Variants in PALLD observed in about 807,000 individuals in gnomAD.
PALLD encodes palladin.
In PALLD, 61 loss-of-function variants were observed where a neutral mutation model predicts 123.5. The ratio of observed to expected loss-of-function variants is 0.49; its 90% CI spans 0.40 to 0.61. PALLD has a LOEUF of 0.61. PALLD is among the 20% of genes least tolerant of loss of function. The probability of loss-of-function intolerance (pLI) is 0.00; values close to 1 mark genes in which losing one functional copy is unlikely to be tolerated. For missense variants in PALLD, 1,273 were observed against 1,377.0 expected (o/e 0.92, Z 1.20); for synonymous variants, 465 against 496.4 (o/e 0.94, Z 0.84).
intron 8 of PALLD, chr4:168,700,380 T>C: frequency 6.5e-6 from 1 of 153,240 alleles, no homozygotes; most frequent in South Asian, 2.1e-4. Context: ...TTCTAAATGT[T>C]CCACGTGAAC....
At chr4:168,512,518 A>C in intron 2 of PALLD, 106 bp downstream of exon 2, 2 of 1,064,882 alleles carry the variant, frequency 1.9e-6, no homozygotes, top group South Asian at 2.7e-5. Flanking sequence ...CTGGAGACTG[A>C]GGTAGAGTAC....
intron 2 of PALLD, among the ~76,000 whole-genome samples, chr4:168,551,942 A>C (rs2149541310): frequency 6.6e-6 from 1 of 152,332 alleles, no homozygotes; most frequent in African/African-American, 2.4e-5. Flanking sequence ...TGACATACCA[A>C]GTCAAATTGG....
intron 2 of PALLD, chr4:168,631,715 C>G: frequency 2.0e-6 from 2 of 985,472 alleles, no homozygotes; most frequent in Non-Finnish European, 2.4e-6. Context: ...CAGGACCTCT[C>G]GAGCGCAGCA....
chr4:168,926,516 A>ATAT lies in PALLD; in HGVS notation c.*338_*340dup, dbSNP rs35986961. On this transcript the variant is annotated 3_prime_UTR_variant, in exon 22 of 22. Transcript: ENST00000505667. ...AAATTAAAAAAAAAACACCAAAATAATATTTTTCTTACTTGATATACCAAA... is the reference window on the plus strand; with the variant it reads ...AAATTAAAAAAAAAACACCAAAATAATATTATTTTTCTTACTTGATATACCAAA... The ATAT allele has an allele frequency of 7.7e-6, 5 of 651,080 alleles. No individual in the cohort carries two copies. Among genetic ancestry groups the ATAT allele is most frequent in the Admixed American group, 6.2e-5 (2 of 32,068 alleles). 40.3% of individuals were successfully genotyped at this position (651,080 alleles called of 1,614,324 possible).
In PALLD at chr4:168,691,280, A is replaced by G. The variant is rs1168137132; in HGVS notation, c.1489A>G (p.Thr497Ala). 5.0e-5 allele frequency: 80 copies of G among 1,608,250 alleles called. No homozygotes were observed. Among genetic ancestry groups the G allele is most frequent in the Non-Finnish European group, 6.7e-5 (79 of 1,176,982 alleles). The change falls in exon 8 of 22, where the codon ACA becomes GCA. Residue 497 changes from threonine (T) to alanine (A), a missense_variant. Thr to Ala is a moderately conservative substitution (Grantham distance 58). Around this residue, in one of 2 missense-constraint regions of PALLD, gnomAD observed 944 missense variants for 954.5 expected, o/e 0.99. Coordinates refer to ENST00000505667, the MANE Select transcript of PALLD (RefSeq NM_001166108.2). ...CATGTGGCAAACAGAACCTAGATCTACAGCTGAACCTGGTAAGAATATTTT... is the reference window on the plus strand; with the variant it reads ...CATGTGGCAAACAGAACCTAGATCTGCAGCTGAACCTGGTAAGAATATTTT... ...FRILQKKPRS[T>A]AEPEEICTLV...
chr4:168,878,258 G>T, intron 10 of PALLD: 1 of 1,525,412 alleles, frequency 6.6e-7, no homozygotes, highest in Non-Finnish European at 8.7e-7. Flanking sequence ...CCCGGGACAG[G>T]CGTCCCACTG....
chr4:168,719,783 A>G (rs1232110963), intron 10 of PALLD, among the ~76,000 whole-genome samples: 3 of 151,844 alleles, frequency 2.0e-5, no homozygotes, highest in Non-Finnish European at 4.4e-5. Context: ...CCTAGTTTCC[A>G]TGTGTTCTTG....
chr4:168,812,873 T>G (rs897938708), intron 10 of PALLD, among the ~76,000 whole-genome samples: 14 of 152,276 alleles, frequency 9.2e-5, no homozygotes, highest in Admixed American at 8.5e-4. Flanking sequence ...CATCAAAACC[T>G]GGAGTATAAA....
At chr4:168,746,328 C>G (rs1730292074) in intron 10 of PALLD, among the ~76,000 whole-genome samples, 1 of 131,010 alleles carries the variant, frequency 7.6e-6, no homozygotes, top group Non-Finnish European at 1.6e-5. Context: ...TGGCACTGAG[C>G]TGAGATTGCG....
At chr4:168,627,658 T>C (rs1227968286) in intron 2 of PALLD, among the ~76,000 whole-genome samples, 3 of 152,202 alleles carry the variant, frequency 2.0e-5, no homozygotes, top group Non-Finnish European at 4.4e-5. Flanking sequence ...ACTTTTTTAA[T>C]GTCATGAGAT....
intron 10 of PALLD, among the ~76,000 whole-genome samples, chr4:168,816,217 C>A (rs1394511517): frequency 6.6e-6 from 1 of 152,046 alleles, no homozygotes; most frequent in East Asian, 1.9e-4. Flanking sequence ...TCACTCACAT[C>A]TGAGCAGAGA....
Position 168,502,487 on chromosome 4 carries a change from T to C in PALLD, c.-83+5293T>C, listed in dbSNP as rs114704941. 1.6e-3 allele frequency among the ~76,000 whole-genome samples: 239 copies of C among 152,344 alleles called. 1 individual carries two copies. The highest frequency in any genetic ancestry group is 2.8e-3 in the Non-Finnish European group (189 of 68,020). On this transcript the variant is annotated intron_variant, in intron 1 of 21. Coordinates refer to ENST00000505667, the MANE Select transcript of PALLD (RefSeq NM_001166108.2). ...TTTTATATGTAGACACAAACAGTTA[T>C]GTGTTATATGTATACACTAACATTT...
chr4:168,706,802 A>G (rs1310372665), intron 8 of PALLD, among the ~76,000 whole-genome samples: 1 of 152,234 alleles, frequency 6.6e-6, no homozygotes, highest in Admixed American at 6.5e-5. Context: ...CAAAAACTAT[A>G]TAGTTTGATA....
At chr4:168,810,285 C>G (rs904364034) in intron 10 of PALLD, among the ~76,000 whole-genome samples, 3 of 151,974 alleles carry the variant, frequency 2.0e-5, no homozygotes, top group Non-Finnish European at 4.4e-5. Context: ...ATCACCAAGC[C>G]AGGTCATTGA....
At chr4:168,571,626 A>C (rs531873463) in intron 2 of PALLD, among the ~76,000 whole-genome samples, 1 of 152,252 alleles carries the variant, frequency 6.6e-6, no homozygotes, top group East Asian at 1.9e-4. Context: ...AAGTCAAGCC[A>C]CTCAGTTCTC....
rs144397436 is a variant in PALLD at position 168,546,596 on chromosome 4, A to G, written c.908+34184A>G. On this transcript the variant is annotated intron_variant, in intron 2 of 21. Transcript: ENST00000505667. ...TGAGAATTTAAGCCCCTGAAAATTC[A>G]TAGACATCCTGCAGGTCTTTAAACT... 2.1e-3 allele frequency among the ~76,000 whole-genome samples: 321 copies of G among 152,294 alleles called. 4 individuals carry two copies. The highest frequency in any genetic ancestry group is 6.1e-3 in the African/African-American group (254 of 41,558).
At chr4:168,731,562 G>T (rs527347955) in intron 10 of PALLD, among the ~76,000 whole-genome samples, 1 of 152,282 alleles carries the variant, frequency 6.6e-6, no homozygotes, top group South Asian at 2.1e-4. Context: ...ATCTGTCTTT[G>T]TTTTTGTTAT....
chr4:168,885,070 G>C (rs1753150807), intron 10 of PALLD, among the ~76,000 whole-genome samples: 1 of 152,168 alleles, frequency 6.6e-6, no homozygotes, highest in Admixed American at 6.5e-5. Flanking sequence ...TATCACGTCT[G>C]TTTCTTTATT....
Position 168,890,905 on chromosome 4 carries a change from G to C in PALLD, c.1965-17G>C, listed in dbSNP as rs746871182. ...GCCTGACAACTAACTATACTGCCTT[G>C]TGTTTTTATCCTGCAGAGGATTTCC... On this transcript the variant is annotated splice_polypyrimidine_tract_variant and intron_variant, in intron 10 of 21. Transcript: ENST00000505667. The C allele has an allele frequency of 6.2e-7, 1 of 1,613,780 alleles. No homozygotes were observed. The highest frequency in any genetic ancestry group is 8.5e-7 in the Non-Finnish European group (1 of 1,179,748).
Sources: gnomAD v4.1 joint callset for allele counts (sites outside exome capture counted in the v4.1 genomes callset) on GRCh38, gnomAD v4.1.1 for gene constraint, gnomAD v4.1.1 regional missense constraint, MANE v1.5 for transcripts, NCBI Gene and HGNC (gene_info 2026-07-23, HGNC 2026-07-21) for gene names.